Variants in ARHGEF3 observed in about 807,000 individuals in gnomAD.
ARHGEF3 encodes 59.8 kDA protein.
A neutral mutation model predicts 63.2 loss-of-function variants in ARHGEF3; 28 were observed. The ratio of observed to expected loss-of-function variants is 0.44; its 90% CI spans 0.33 to 0.61. The LOEUF (loss-of-function observed/expected upper bound fraction) is 0.61. Ranked by LOEUF, ARHGEF3 falls within the 20% of genes least tolerant of loss-of-function variation. ARHGEF3 has a pLI of 0.03. For synonymous variants in ARHGEF3, 266 were observed against 254.2 expected, an observed-to-expected ratio of 1.05 and a Z score of -0.44; for missense variants, 533 against 659.3, an observed-to-expected ratio of 0.81 and a Z score of 2.10.
intron 2 of ARHGEF3, among the ~76,000 whole-genome samples, chr3:56,999,955 C>T (rs1000316747): frequency 3.9e-5 from 6 of 152,144 alleles, no homozygotes; most frequent in Non-Finnish European, 8.8e-5. Flanking sequence ...TGTTTTGCTC[C>T]ATATGCTTGA....
At position 56,742,215 on chromosome 3, in the gene ARHGEF3, G is replaced by A. The variant is rs567629783; in HGVS notation, c.870+2990C>T. Among the ~76,000 whole-genome samples, 223 of 152,130 alleles carry A rather than the reference G, an allele frequency of 1.5e-3. 1 individual carries two copies. Among genetic ancestry groups the A allele is most frequent in the Non-Finnish European group, 2.1e-3 (143 of 68,002 alleles). On this transcript the variant is annotated intron_variant, in intron 7 of 9. Coordinates refer to ENST00000296315, the MANE Select transcript of ARHGEF3 (RefSeq NM_019555.3). The stretch of plus-strand genomic sequence containing the variant: ...GGAGTTGAGAAATAGTGGTGAGGTG[G>A]GGGGAAGGGATGCTCTGCAGGATCA...
chr3:56,733,744 G>A (rs1211763762), intron 8 of ARHGEF3, among the ~76,000 whole-genome samples: 1 of 151,784 alleles, frequency 6.6e-6, no homozygotes, highest in Non-Finnish European at 1.5e-5. Context: ...AGCACTTTGG[G>A]AGGCCGAGGT....
At chr3:56,783,072 G>A (rs1269353927) in intron 1 of ARHGEF3, among the ~76,000 whole-genome samples, 1 of 152,068 alleles carries the variant, frequency 6.6e-6, no homozygotes, top group African/African-American at 2.4e-5. Flanking sequence ...ATAAGGGAGA[G>A]GTATAAGGAG....
chr3:56,802,571 C>T (rs1010791655), upstream of ARHGEF3, among the ~76,000 whole-genome samples: 5 of 152,074 alleles, frequency 3.3e-5, no homozygotes, highest in South Asian at 1.0e-3. Flanking sequence ...GAAACATTTC[C>T]ACCACCCCCG....
chr3:57,062,678 C>T (rs1705294156), intron 1 of ARHGEF3, among the ~76,000 whole-genome samples: 1 of 152,056 alleles, frequency 6.6e-6, no homozygotes, highest in African/African-American at 2.4e-5. Flanking sequence ...TGACAGGACT[C>T]GCTGTTTCTC....
At position 56,729,103 on chromosome 3, in the gene ARHGEF3, T is replaced by C. The variant is rs1057471063; in HGVS notation, c.*167A>G. The C allele has an allele frequency of 3.3e-6, 2 of 614,614 alleles. No homozygotes were observed. Among genetic ancestry groups the C allele is most frequent in the Non-Finnish European group, 5.6e-6 (2 of 356,874 alleles). 38.1% of individuals were successfully genotyped at this position (614,614 alleles called of 1,614,324 possible). A position where few individuals can be genotyped will look rare whatever the true frequency, so the allele number is the denominator to read the frequency against. On this transcript the variant is annotated 3_prime_UTR_variant, in exon 10 of 10. Transcript: ENST00000296315. ...ACAGATTCCAGCTTACACAGACAGA[T>C]TGGCAGTTACAGTACTAGGGACAAA...
At chr3:56,811,579 T>C (rs899323208) in intron 4 of ARHGEF3, among the ~76,000 whole-genome samples, 1 of 152,170 alleles carries the variant, frequency 6.6e-6, no homozygotes, top group Non-Finnish European at 1.5e-5. Context: ...AAGGGGCTAG[T>C]TGGTGTGGGT....
At chr3:56,844,774 A>C (rs2039429509) in intron 4 of ARHGEF3, among the ~76,000 whole-genome samples, 1 of 152,158 alleles carries the variant, frequency 6.6e-6, no homozygotes, top group Admixed American at 6.5e-5. Context: ...GCCTTCACCA[A>C]GTCACTAAAC....
chr3:56,970,361 C>A (rs927757051), intron 2 of ARHGEF3, among the ~76,000 whole-genome samples: 1 of 152,132 alleles, frequency 6.6e-6, no homozygotes, highest in Non-Finnish European at 1.5e-5. Flanking sequence ...CTATTAACTA[C>A]TCCAGAAGAG....
intron 3 of ARHGEF3, chr3:56,938,588 G>A (rs1322255029): frequency 6.6e-6 from 1 of 152,194 alleles, no homozygotes; most frequent in African/African-American, 2.4e-5. Flanking sequence ...TAAATATACA[G>A]AGGCACTAAG....
intron 9 of ARHGEF3, among the ~76,000 whole-genome samples, chr3:56,730,236 A>ATCTATACAC (rs1215824350): frequency 1.3e-5 from 2 of 152,118 alleles, no homozygotes; most frequent in Non-Finnish European, 2.9e-5. Flanking sequence ...ATATGAGAGT[A>ATCTATACAC]TCTATACACT....
chr3:56,744,029 G>A (rs1386301570), intron 7 of ARHGEF3, among the ~76,000 whole-genome samples: 2 of 151,980 alleles, frequency 1.3e-5, no homozygotes, highest in Admixed American at 1.3e-4. Flanking sequence ...TTAATTGCAT[G>A]ACAAAGGAAA....
At chr3:56,822,204 C>G (rs1439098900) in intron 4 of ARHGEF3, among the ~76,000 whole-genome samples, 2 of 152,146 alleles carry the variant, frequency 1.3e-5, no homozygotes, top group Admixed American at 1.3e-4. Flanking sequence ...CTGAACAACC[C>G]TTTCAGGAAA....
intron 1 of ARHGEF3, among the ~76,000 whole-genome samples, chr3:56,780,632 T>TC (rs1553753262): frequency 6.6e-6 from 1 of 152,122 alleles, no homozygotes; most frequent in African/African-American, 2.4e-5. Context: ...CTCTGTCTTG[T>TC]TGTCTTTCAT....
At chr3:56,805,349 C>T (rs112430664), upstream of ARHGEF3, among the ~76,000 whole-genome samples, 6,015 of 152,254 alleles carry the variant, frequency 0.04, 126 homozygotes, top group African/African-American at 0.053. Context: ...ATCCTCCCGC[C>T]TCAGCCCCTC....
chr3:56,897,337 A>G (rs923036814), intron 3 of ARHGEF3, among the ~76,000 whole-genome samples: 1 of 152,048 alleles, frequency 6.6e-6, no homozygotes, highest in African/African-American at 2.4e-5. Context: ...AGATCTTCCT[A>G]TATTCTCCCT....
At chr3:56,973,747 A>C (rs1237053329) in intron 2 of ARHGEF3, among the ~76,000 whole-genome samples, 1 of 152,134 alleles carries the variant, frequency 6.6e-6, no homozygotes, top group Non-Finnish European at 1.5e-5. Context: ...ACTTGACAAG[A>C]AAACATTAGT....
At chr3:57,069,106 A>G (rs780422179) in intron 1 of ARHGEF3, among the ~76,000 whole-genome samples, 4 of 152,008 alleles carry the variant, frequency 2.6e-5, no homozygotes, top group Non-Finnish European at 4.4e-5. Flanking sequence ...TATTTTTAGC[A>G]GAGACGGGGT....
At chr3:56,736,733 A>AAT (rs1216662644) in intron 8 of ARHGEF3, among the ~76,000 whole-genome samples, 1 of 152,150 alleles carries the variant, frequency 6.6e-6, no homozygotes, top group Non-Finnish European at 1.5e-5. Flanking sequence ...AATATGAATG[A>AAT]ATATATATAT....
Sources: allele counts gnomAD v4.1 joint callset (sites outside exome capture counted in the v4.1 genomes callset), GRCh38; gene constraint gnomAD v4.1.1; transcripts MANE v1.5; gene names NCBI Gene and HGNC (gene_info 2026-07-23, HGNC 2026-07-21).